Variants in CD99 observed in about 807,000 individuals in gnomAD.
CD99 encodes CD99 molecule (Xg blood group), also known as CD99 antigen.
In CD99, 19 loss-of-function variants were observed where a neutral mutation model predicts 28.4. The ratio of observed to expected loss-of-function variants is 0.67; its 90% CI spans 0.47 to 0.98. CD99 has a LOEUF of 0.98. Ranked by LOEUF, CD99 falls within the 50% of genes least tolerant of loss-of-function variation. CD99 has a pLI of 0.00. For missense variants in CD99, 283 were observed against 248.8 expected, an observed-to-expected ratio of 1.14 and a Z score of -0.92; for synonymous variants, 103 against 92.1, an observed-to-expected ratio of 1.12 and a Z score of -0.67.
chrX:2,719,391 C>A, intron 3 of CD99: 1 of 410,956 alleles, frequency 2.4e-6, no homozygotes, highest in Admixed American at 5.3e-5. Flanking sequence ...TTATTTCTCT[C>A]TCTCTCTCCC....
rs772842904 is a variant in CD99 at position 2,726,244 on chromosome X, G to T, written c.362-16G>T. ...GTGCGTGTCTCAATCACGATGCTGT[G>T]TGCTTCCTCCTGCAGCCGACGCCCC... On this transcript the variant is annotated splice_polypyrimidine_tract_variant and intron_variant, in intron 7 of 9. Transcript: ENST00000381192. 6.5e-7 allele frequency: 1 copy of T among 1,539,986 alleles called. No individual in the cohort carries two copies. The highest frequency in any genetic ancestry group is 1.1e-5 in the South Asian group (1 of 89,534).
At chrX:2,727,296 A>G (rs1231431791) in intron 8 of CD99, 4 of 779,216 alleles carry the variant, frequency 5.1e-6, no homozygotes, top group Non-Finnish European at 9.6e-6. Context: ...CTCCTAGGTC[A>G]GCTGGCAGGC....
chrX:2,709,729 C>CACACAT (rs1398801978), intron 1 of CD99, among the ~76,000 whole-genome samples: 26 of 152,312 alleles, frequency 1.7e-4, no homozygotes, highest in Middle Eastern at 6.8e-3. Context: ...TACATAGACA[C>CACACAT]GCACATGCAT....
chrX:2,694,969 G>A (rs1340926604), intron 1 of CD99, among the ~76,000 whole-genome samples: 1 of 152,118 alleles, frequency 6.6e-6, no homozygotes, highest in Non-Finnish European at 1.5e-5. Context: ...TCCCAATTCA[G>A]CATTTAGGAA....
rs186047383 is a variant in CD99 at position 2,716,367 on chromosome X, C to T, written c.101-1238C>T. ...CTTTTTTTTTTCTGAGACACTGTCT[C>T]GCTGTGTTGCTCAGGTTGGAGTGCA... is the stretch of plus-strand genomic sequence containing the variant. On this transcript the variant is annotated intron_variant, in intron 2 of 9. Coordinates refer to ENST00000381192, the MANE Select transcript of CD99 (RefSeq NM_002414.5). 5.1e-3 allele frequency among the ~76,000 whole-genome samples: 772 copies of T among 152,026 alleles called. 9 individuals carry two copies. The highest frequency in any genetic ancestry group is 0.016 in the African/African-American group (646 of 41,468).
intron 1 of CD99, among the ~76,000 whole-genome samples, chrX:2,712,138 G>A (rs1315564897): frequency 1.3e-5 from 2 of 152,050 alleles, no homozygotes; most frequent in South Asian, 2.1e-4. Context: ...GACAAATACC[G>A]TCTGACCCAA....
Position 2,735,074 on chromosome X carries a change from C to T in CD99, c.476-3126C>T, listed in dbSNP as rs770107944. 8.5e-5 allele frequency among the ~76,000 whole-genome samples: 13 copies of T among 152,244 alleles called. No homozygotes were observed. The South Asian group carries it at 1.5e-3, about 17-fold the overall frequency. On this transcript the variant is annotated intron_variant, in intron 8 of 9. Coordinates refer to ENST00000381192, the MANE Select transcript of CD99 (RefSeq NM_002414.5). ...CTCAAGTCTGATGCAATGAAAGCTG[C>T]CCCCCATTGACCACAGGACTGAGTC... is the stretch of plus-strand genomic sequence containing the variant.
chrX:2,723,201 C>G (rs2049088585), intron 6 of CD99, 113 bp from the exon 7 acceptor site: 3 of 1,055,004 alleles, frequency 2.8e-6, no homozygotes, highest in Non-Finnish European at 4.5e-6. Flanking sequence ...AGCTGGGTAA[C>G]ATGTACCCCC....
chrX:2,700,075 G>T (rs2047773928), intron 1 of CD99, among the ~76,000 whole-genome samples: 1 of 152,170 alleles, frequency 6.6e-6, no homozygotes, highest in Non-Finnish European at 1.5e-5. Flanking sequence ...AGTTCTGTTG[G>T]TGGTGAGACG....
chrX:2,737,860 G>T, intron 8 of CD99: 1 of 466,982 alleles, frequency 2.1e-6, no homozygotes, highest in Non-Finnish European at 4.0e-6. Context: ...ACAGATGCAC[G>T]TACTTTTTTT....
At chrX:2,723,767 C>T (rs1270677670) in intron 7 of CD99, among the ~76,000 whole-genome samples, 1 of 152,152 alleles carries the variant, frequency 6.6e-6, no homozygotes, top group African/African-American at 2.4e-5. Flanking sequence ...GAATGTGGAT[C>T]GCTTCCACCC....
chrX:2,738,598 G>A (rs1338245645), intron 9 of CD99, among the ~76,000 whole-genome samples: 6 of 152,036 alleles, frequency 3.9e-5, no homozygotes, highest in East Asian at 3.9e-4. Context: ...GGTGGTGGGC[G>A]CCTGTAATCC....
intron 4 of CD99, 140 bp from the exon 5 acceptor site, chrX:2,720,216 A>G: frequency 1.5e-6 from 1 of 682,548 alleles, no homozygotes. Flanking sequence ...CTGGCAGGAG[A>G]CTGTGTGTGT....
At chrX:2,729,163 G>A (rs1180904474) in intron 8 of CD99, among the ~76,000 whole-genome samples, 2 of 152,048 alleles carry the variant, frequency 1.3e-5, no homozygotes, top group Non-Finnish European at 2.9e-5. Context: ...GACAATTGTT[G>A]AACACTTTTG....
At chrX:2,719,410 C>G in intron 3 of CD99, 2 of 516,082 alleles carry the variant, frequency 3.9e-6, no homozygotes, top group Non-Finnish European at 3.5e-6. Context: ...CCCACTGCCT[C>G]TCCTCTGAGA....
chrX:2,737,823 G>T, intron 8 of CD99: 1 of 382,856 alleles, frequency 2.6e-6, no homozygotes, highest in Admixed American at 3.7e-5. Context: ...GAGTTTGGGG[G>T]CAGTTATAAA....
chrX:2,735,871 C>T (rs998886739), intron 8 of CD99, among the ~76,000 whole-genome samples: 11 of 152,042 alleles, frequency 7.2e-5, no homozygotes, highest in African/African-American at 1.4e-4. Context: ...GTTCACGTAG[C>T]GTAAACTGGC....
chrX:2,703,345 G>A (rs1283076708), intron 1 of CD99, among the ~76,000 whole-genome samples: 3 of 152,078 alleles, frequency 2.0e-5, no homozygotes, highest in African/African-American at 7.2e-5. Context: ...TTTGATGAGC[G>A]TCATTTAGGC....
chrX:2,727,273 C>T (rs1376580622), intron 8 of CD99: 5 of 778,150 alleles, frequency 6.4e-6, no homozygotes, highest in Non-Finnish European at 1.2e-5. Context: ...AGGACGTACT[C>T]ACCATTGCAA....
Sources: gnomAD v4.1 joint callset for allele counts (sites outside exome capture counted in the v4.1 genomes callset) on GRCh38, gnomAD v4.1.1 for gene constraint, MANE v1.5 for transcripts, NCBI Gene and HGNC (gene_info 2026-07-23, HGNC 2026-07-21) for gene names.